The following CAPZA2 variants were observed in gnomAD, a reference collection of about 807,000 sequenced individuals.
The protein encoded by CAPZA2 is capping actin protein of muscle Z-line subunit alpha 2.
CAPZA2 carries 13 observed loss-of-function variants against 44.0 expected under a neutral mutation model. The ratio of observed to expected loss-of-function variants is 0.30; its 90% CI spans 0.19 to 0.47. The LOEUF is 0.47. Among genes scored for constraint, CAPZA2 ranks in the 20% least tolerant of loss-of-function variants. The pLI is 1.00. For missense variants in CAPZA2, 244 were observed against 338.6 expected, an observed-to-expected ratio of 0.72 and a Z score of 2.19; for synonymous variants, 94 against 108.2, an observed-to-expected ratio of 0.87 and a Z score of 0.81.
chr7:116,871,859 C>T (rs1356037892), intron 1 of CAPZA2, among the ~76,000 whole-genome samples: 1 of 152,184 alleles, frequency 6.6e-6, no homozygotes, highest in Non-Finnish European at 1.5e-5. Context: ...TCCAGTAGAG[C>T]GCCTAGCCTG....
intron 1 of CAPZA2, among the ~76,000 whole-genome samples, chr7:116,879,124 CAA>C (rs71148337): frequency 0.065 from 2,935 of 44,926 alleles, 40 homozygotes; most frequent in African/African-American, 0.21. Flanking sequence ...AACTCTGTCT[CAA>C]AAAAAAAAAA....
At chr7:116,878,853 C>T (rs537150242) in intron 1 of CAPZA2, among the ~76,000 whole-genome samples, 6 of 152,178 alleles carry the variant, frequency 3.9e-5, no homozygotes, top group Admixed American at 6.5e-5. Context: ...ATTGGCCAGG[C>T]GTGGTGGCTC....
intron 7 of CAPZA2, 106 bp from the exon 8 acceptor site, chr7:116,911,963 G>A (rs181554972): frequency 1.2e-4 from 187 of 1,553,326 alleles, no homozygotes; most frequent in Non-Finnish European, 1.5e-4. Context: ...GAGAAGTCTA[G>A]ACTAGAGCTG....
chr7:116,901,055 T>A (rs1796988312), intron 4 of CAPZA2, among the ~76,000 whole-genome samples: 1 of 152,066 alleles, frequency 6.6e-6, no homozygotes. Context: ...GCTTATACAC[T>A]GTTGGTGGGA....
intron 1 of CAPZA2, among the ~76,000 whole-genome samples, chr7:116,869,906 G>A (rs560542036): frequency 6.6e-6 from 1 of 152,102 alleles, no homozygotes; most frequent in Non-Finnish European, 1.5e-5. Context: ...GTGTTACTCT[G>A]TCACCTAGGC....
chr7:116,890,085 G>A (rs942670063), intron 2 of CAPZA2, among the ~76,000 whole-genome samples: 1 of 152,072 alleles, frequency 6.6e-6, no homozygotes, highest in Non-Finnish European at 1.5e-5. Context: ...AATTCACAGA[G>A]CCAAGAATAA....
At chr7:116,895,568 G>C (rs1196898027) in intron 3 of CAPZA2, among the ~76,000 whole-genome samples, 2 of 151,914 alleles carry the variant, frequency 1.3e-5, no homozygotes, top group Non-Finnish European at 2.9e-5. Flanking sequence ...GATAAAATAT[G>C]ATGCTTATAG....
rs1416754529 is a variant in CAPZA2 at position 116,916,115 on chromosome 7, A to T, written c.713A>T (p.Glu238Val). ...FIKIVEAAEN[E>V]YQTAISENYQ... ...AAGATTGTAGAAGCTGCAGAAAATG[A>T]ATACCAGGTATGATTTTTTAAATAT... The change falls in exon 9 of 10, where the codon GAA becomes GTA. Residue 238 changes from glutamate (E) to valine (V), a missense_variant. By Grantham distance (121) the Glu-to-Val change is moderately radical. Coordinates refer to ENST00000361183, the MANE Select transcript of CAPZA2 (RefSeq NM_006136.3). The T allele has an allele frequency of 6.5e-7, 1 of 1,541,018 alleles. No individual in the cohort carries two copies. Among genetic ancestry groups the T allele is most frequent in the East Asian group, 2.4e-5 (1 of 42,418 alleles).
intron 4 of CAPZA2, among the ~76,000 whole-genome samples, chr7:116,900,818 T>G (rs1796984839): frequency 6.6e-6 from 1 of 151,612 alleles, no homozygotes; most frequent in African/African-American, 2.4e-5. Flanking sequence ...ATTTAAAAGA[T>G]AAAAACAAGC....
chr7:116,896,727 C>T (rs1414418321), intron 3 of CAPZA2, among the ~76,000 whole-genome samples: 3 of 151,978 alleles, frequency 2.0e-5, no homozygotes, highest in African/African-American at 4.8e-5. Flanking sequence ...TTGTTTTTAC[C>T]GTGTCTAGTA....
intron 1 of CAPZA2, among the ~76,000 whole-genome samples, chr7:116,885,066 C>T (rs558702340): frequency 2.0e-5 from 3 of 152,116 alleles, no homozygotes; most frequent in Non-Finnish European, 4.4e-5. Context: ...CTATTCAAGT[C>T]CTCTGCTTAC....
chr7:116,893,034 A>G lies in CAPZA2; in HGVS notation c.144A>G (p.Glu48=). Residue 48 remains glutamate (E), a synonymous_variant, in exon 3 of 10, where the codon GAA becomes GAG. Transcript: ENST00000361183. ...TTAATAATGACAATCTTCTCAGGGA[A>G]GGAGCAGCCCAGTAAGTATTATTTA... ...LLLNNDNLLR[E]GAAHAFAQYN... The G allele has an allele frequency of 6.3e-7, 1 of 1,597,936 alleles. No homozygotes were observed. Among genetic ancestry groups the G allele is most frequent in the Non-Finnish European group, 8.6e-7 (1 of 1,168,780 alleles).
At chr7:116,905,424 T>C (rs1437153164) in intron 5 of CAPZA2, among the ~76,000 whole-genome samples, 1 of 152,138 alleles carries the variant, frequency 6.6e-6, no homozygotes, top group Non-Finnish European at 1.5e-5. Context: ...GGCCTCTGCT[T>C]ACCCCTCCAA....
At position 116,918,812 on chromosome 7, in the gene CAPZA2, T is replaced by C. The variant is rs944833245; in HGVS notation, c.*945T>C. Reference sequence around the variant, plus strand: ...TTTGGATATTGTAATTCTTAACTGGTTGTAAATTAGAAAAGCTGGGATTAC... The same window carrying C: ...TTTGGATATTGTAATTCTTAACTGGCTGTAAATTAGAAAAGCTGGGATTAC... On this transcript the variant is annotated 3_prime_UTR_variant, in exon 10 of 10. Transcript: ENST00000361183. 14 of 152,186 alleles carry C rather than the reference T, an allele frequency of 9.2e-5. 1 individual carries two copies. Among genetic ancestry groups the C allele is most frequent in the Admixed American group, 8.5e-4 (13 of 15,266 alleles). The allele number at this position is 152,186 out of a possible 1,614,324, so 9.4% of individuals were successfully genotyped here.
intron 5 of CAPZA2, 138 bp downstream of exon 5, chr7:116,904,521 T>G (rs1791459327): frequency 4.9e-6 from 3 of 607,788 alleles, no homozygotes; most frequent in Non-Finnish European, 8.6e-6. Context: ...TAAGAATGTT[T>G]ACTATTTTTT....
chr7:116,897,235 A>G (rs1796939702), intron 3 of CAPZA2, among the ~76,000 whole-genome samples: 1 of 152,150 alleles, frequency 6.6e-6, no homozygotes, highest in South Asian at 2.1e-4. Context: ...TTTTAAACAT[A>G]CTTTTGGGAT....
In CAPZA2 at chr7:116,904,265, A is replaced by G. The variant is rs749490468; in HGVS notation, c.308A>G (p.Lys103Arg). The G allele has an allele frequency of 2.5e-6, 4 of 1,613,346 alleles. No individual in the cohort carries two copies. In the South Asian group the frequency reaches 3.3e-5, roughly 13 times the overall value. ...RICFKFDHLRKEATDPRPCEV... is the reference protein window; with the variant it reads ...RICFKFDHLRREATDPRPCEV... ...TGTTTTAAATTTGATCACTTAAGGA[A>G]GGAGGCAACTGATCCAAGACCCTGT... Residue 103 changes from lysine (K) to arginine (R), a missense_variant, in exon 5 of 10, where the codon AAG (lysine) becomes AGG (arginine). Lys to Arg is a conservative substitution (Grantham distance 26, BLOSUM62 2). Transcript: ENST00000361183.
chr7:116,911,291 A>C (rs760138174), intron 7 of CAPZA2, among the ~76,000 whole-genome samples: 1 of 152,170 alleles, frequency 6.6e-6, no homozygotes, highest in Non-Finnish European at 1.5e-5. Context: ...GGACTCTTTG[A>C]CATTCACACT....
chr7:116,889,354 G>A (rs1246146608), intron 2 of CAPZA2, among the ~76,000 whole-genome samples: 7 of 152,054 alleles, frequency 4.6e-5, no homozygotes, highest in South Asian at 2.1e-4. Context: ...TTCAGTTTCC[G>A]TTTTTTAAAC....
Sources: allele counts gnomAD v4.1 joint callset (sites outside exome capture counted in the v4.1 genomes callset), GRCh38; gene constraint gnomAD v4.1.1; transcripts MANE v1.5; gene names NCBI Gene and HGNC (gene_info 2026-07-23, HGNC 2026-07-21).